The following PRDM14 variants were observed in gnomAD, a reference collection of about 807,000 sequenced individuals.
PRDM14 encodes PR domain zinc finger protein 14.
Under a neutral mutation model 48.0 loss-of-function variants are expected in PRDM14, and 16 were observed. The observed-to-expected ratio is 0.33, with a 90% confidence interval of 0.23 to 0.51. The LOEUF (loss-of-function observed/expected upper bound fraction) is 0.51, where lower values mean the gene tolerates loss of function less well. PRDM14 is among the 20% of genes least tolerant of loss of function. The pLI, the probability that PRDM14 is intolerant of heterozygous loss-of-function variation, is 0.97. For missense variants in PRDM14, 566 were observed against 719.6 expected (o/e 0.79, Z 2.44); for synonymous variants, 264 against 276.6 (o/e 0.95, Z 0.45).
intron 4 of PRDM14, among the ~76,000 whole-genome samples, chr8:70,067,049 G>A (rs1302647656): frequency 6.6e-6 from 1 of 152,164 alleles, no homozygotes; most frequent in Non-Finnish European, 1.5e-5. Flanking sequence ...TATTCTAAAA[G>A]ATTCTTACTT....
At chr8:70,069,918 GCGGGAGCTTCC>G in intron 1 of PRDM14, 34 bp from the exon 2 acceptor site, 1 of 1,359,700 alleles carries the variant, frequency 7.4e-7, no homozygotes, top group Non-Finnish European at 9.9e-7. Context: ...AGGACACCGC[GCGGGAGCTTCC>G]CGGGGTCCGA....
chr8:70,055,445 T>C, intron 6 of PRDM14, 44 bp from the exon 7 acceptor site: 2 of 1,088,172 alleles, frequency 1.8e-6, no homozygotes, highest in Non-Finnish European at 2.8e-6. Context: ...CACCTTCCTC[T>C]AACAAGTCCA....
chr8:70,069,834 G>T lies in PRDM14; in HGVS notation c.27C>A (p.Ala9=). MALPRPSE[A]VPQDKVCYPP... The stretch of plus-strand genomic sequence containing the variant: ...GGTAGCACACCTTGTCCTGAGGCAC[G>T]GCCTCACTTGGCCGGGGTAGAGCCA... Residue 9 remains alanine (A), a synonymous_variant, in exon 2 of 8, where the codon GCC becomes GCA. Coordinates refer to ENST00000276594, the MANE Select transcript of PRDM14 (RefSeq NM_024504.4). The T allele has an allele frequency of 1.9e-6, 3 of 1,604,886 alleles. No homozygotes were observed. Among genetic ancestry groups the T allele is most frequent in the African/African-American group, 1.3e-5 (1 of 74,918 alleles).
At chr8:70,068,629 C>T in intron 2 of PRDM14, 97 bp from the exon 3 acceptor site, 3 of 972,562 alleles carry the variant, frequency 3.1e-6, no homozygotes, top group Non-Finnish European at 4.9e-6. Context: ...AGGTAACCAT[C>T]ATCCCAGTTT....
Position 70,069,640 on chromosome 8 carries a change from G to C in PRDM14, c.221C>G (p.Ala74Gly). 1 of 1,570,222 alleles carries C rather than the reference G, an allele frequency of 6.4e-7. No homozygotes were observed. Among genetic ancestry groups the C allele is most frequent in the Non-Finnish European group, 8.6e-7 (1 of 1,158,012 alleles). Residue 74 changes from alanine (A) to glycine (G), a missense_variant, in exon 2 of 8, where the codon GCG (alanine) becomes GGG (glycine). Physicochemically the swap from Ala to Gly is moderately conservative, Grantham distance 60. This residue lies in a region of PRDM14 where 410 missense variants were observed against 424.6 expected (regional missense o/e 0.97). Coordinates refer to ENST00000276594, the MANE Select transcript of PRDM14 (RefSeq NM_024504.4). ...PAMPPFPFRM[A>G]PPLLSPGLGL... is the part of the protein sequence containing the mutation. ...CAGACCCGGGCTCAGCAAGGGAGGC[G>C]CCATCCGGAAGGGGAAGGGGGGCAT...
chr8:70,069,453 G>A lies in PRDM14; in HGVS notation c.408C>T (p.Gly136=). The A allele has an allele frequency of 1.3e-6, 2 of 1,578,314 alleles. No individual in the cohort carries two copies. Among genetic ancestry groups the A allele is most frequent in the South Asian group, 1.2e-5 (1 of 85,622 alleles). Residue 136 remains glycine, a synonymous_variant, in exon 2 of 8, where the codon GGC becomes GGT. Transcript: ENST00000276594. ...CACAACACGGGCCACTCTCGTTGTC[G>A]CCACCAATGATTTGGTGGCCCAGAT... ...SEDLGHQIIG[G]DNESGPCCGP...
At chr8:70,054,976 C>T (rs1045145248) in intron 7 of PRDM14, among the ~76,000 whole-genome samples, 5 of 152,018 alleles carry the variant, frequency 3.3e-5, no homozygotes, top group African/African-American at 9.7e-5. Flanking sequence ...CATAAGCCAC[C>T]GATGCATGGA....
intron 6 of PRDM14, among the ~76,000 whole-genome samples, 174 bp downstream of exon 6, chr8:70,058,466 C>T (rs1361560964): frequency 6.6e-6 from 1 of 152,216 alleles, no homozygotes; most frequent in Non-Finnish European, 1.5e-5. Flanking sequence ...ATGTGCATCG[C>T]TGTGCCTATT....
intron 4 of PRDM14, among the ~76,000 whole-genome samples, chr8:70,066,920 C>T (rs1468003942): frequency 6.6e-6 from 1 of 152,010 alleles, no homozygotes; most frequent in African/African-American, 2.4e-5. Flanking sequence ...TTTGTAGAGA[C>T]AGGGCCTCAC....
rs1331023039 is a variant in PRDM14 at position 70,051,938 on chromosome 8, AT to A, written c.*138del. 1 of 598,222 alleles carries A rather than the reference AT, an allele frequency of 1.7e-6. No homozygotes were observed. The highest frequency in any genetic ancestry group is 2.9e-6 in the Non-Finnish European group (1 of 346,776). The allele number at this position is 598,222 out of a possible 1,614,324, so 37.1% of individuals were successfully genotyped here. ...AGGCATGTGCCACCACCCCCAGCTG[AT>A]TTTTGTATTTTTTTGGTAGAGACAG... On this transcript the variant is annotated 3_prime_UTR_variant, in exon 8 of 8. Transcript: ENST00000276594.
intron 5 of PRDM14, among the ~76,000 whole-genome samples, chr8:70,059,233 G>A (rs952503269): frequency 2.0e-5 from 3 of 151,906 alleles, no homozygotes; most frequent in African/African-American, 7.3e-5. Flanking sequence ...AGGATTACAT[G>A]CGTGAGCCAC....
At chr8:70,052,940 A>C (rs762455207) in intron 7 of PRDM14, among the ~76,000 whole-genome samples, 4 of 150,604 alleles carry the variant, frequency 2.7e-5, no homozygotes, top group Non-Finnish European at 5.9e-5. Flanking sequence ...CTCTACAAAA[A>C]GTAAAAAAAT....
chr8:70,056,428 C>T (rs1000852764), intron 6 of PRDM14, among the ~76,000 whole-genome samples: 1 of 152,160 alleles, frequency 6.6e-6, no homozygotes, highest in Non-Finnish European at 1.5e-5. Flanking sequence ...AACCTCTTTC[C>T]AGGCATGCTT....
Position 70,069,762 on chromosome 8 carries a change from G to A in PRDM14, c.99C>T (p.Phe33=). The A allele has an allele frequency of 6.2e-7, 1 of 1,609,022 alleles. No homozygotes were observed. Among genetic ancestry groups the A allele is most frequent in the Non-Finnish European group, 8.5e-7 (1 of 1,178,150 alleles). Residue 33 remains phenylalanine (F), a synonymous_variant, in exon 2 of 8, where the codon TTC becomes TTT. Coordinates refer to ENST00000276594, the MANE Select transcript of PRDM14 (RefSeq NM_024504.4). ...TGTTTCTGTAGTGTCCATAGGACGG[G>A]AAAGGCGTGTAGTACGCGGCCAGGT... ...PQNLAAYYTP[F]PSYGHYRNSL... is the part of the protein sequence containing the mutation.
At position 70,063,676 on chromosome 8, in the gene PRDM14, C is replaced by T. The variant is rs538052400; in HGVS notation, c.1183+2559G>A. Among the ~76,000 whole-genome samples, 7 of 151,994 alleles carry T rather than the reference C, an allele frequency of 4.6e-5. No individual in the cohort carries two copies. The South Asian group carries it at 8.3e-4, about 18-fold the overall frequency. On this transcript the variant is annotated intron_variant, in intron 5 of 7. Transcript: ENST00000276594. ...TAGCTGGGATTACAGGCATGCACCA[C>T]CACACCCAGCTAATTTTTTGTATTT...
chr8:70,062,586 C>T (rs896454056), intron 5 of PRDM14, among the ~76,000 whole-genome samples: 1 of 151,914 alleles, frequency 6.6e-6, no homozygotes, highest in Non-Finnish European at 1.5e-5. Context: ...GCTCCAGCCT[C>T]CTGAGTAGCT....
chr8:70,055,680 A>AT (rs1050964973), intron 6 of PRDM14, among the ~76,000 whole-genome samples: 1 of 151,378 alleles, frequency 6.6e-6, no homozygotes, highest in Non-Finnish European at 1.5e-5. Flanking sequence ...AACTTAAAAA[A>AT]TTTTTTTTTG....
At chr8:70,060,256 A>T (rs11785095) in intron 5 of PRDM14, among the ~76,000 whole-genome samples, 52,464 of 151,704 alleles carry the variant, frequency 0.35, 9,377 homozygotes, top group East Asian at 0.47. Context: ...AATAAAAATT[A>T]TCTGGGCATG....
rs769572600 is a variant in PRDM14, at chr8:70,069,750, TC to T, written c.110del (p.Gly37AspfsTer42). ...AAYYTPFPSY[G>X]HYRNSLATVE... The stretch of plus-strand genomic sequence containing the variant: ...CGGTGGCCAGGCTGTTTCTGTAGTG[TC>T]CATAGGACGGGAAAGGCGTGTAGTA... On this transcript the variant is annotated frameshift_variant, in exon 2 of 8. Transcript: ENST00000276594. LOFTEE classifies it high-confidence loss of function. 6.2e-7 allele frequency: 1 copy of T among 1,606,378 alleles called. No individual in the cohort carries two copies. The highest frequency in any genetic ancestry group is 1.1e-5 in the South Asian group (1 of 89,552).
Sources: gnomAD v4.1 joint callset for allele counts (sites outside exome capture counted in the v4.1 genomes callset) on GRCh38, gnomAD v4.1.1 for gene constraint, gnomAD v4.1.1 regional missense constraint, MANE v1.5 for transcripts, NCBI Gene and HGNC (gene_info 2026-07-23, HGNC 2026-07-21) for gene names.